Variants in KLHL32 observed in about 807,000 individuals in gnomAD.
KLHL32 encodes kelch like family member 32.
In KLHL32, 35 loss-of-function variants were observed where a neutral mutation model predicts 64.8. That is an observed-to-expected ratio of 0.54 (90% CI 0.41 to 0.72). KLHL32 has a LOEUF of 0.72. KLHL32 is among the 30% of genes least tolerant of loss of function. The pLI is 0.00. For synonymous variants in KLHL32, 259 were observed against 281.0 expected (o/e 0.92, Z 0.78); for missense variants, 589 against 768.5 (o/e 0.77, Z 2.76).
At chr6:97,048,732 A>C (rs1376183795) in intron 4 of KLHL32, among the ~76,000 whole-genome samples, 1 of 152,234 alleles carries the variant, frequency 6.6e-6, no homozygotes, top group Non-Finnish European at 1.5e-5. Context: ...GAGTGACAGG[A>C]ATCTTAATTG....
chr6:97,061,093 C>T (rs1788811942), intron 4 of KLHL32, among the ~76,000 whole-genome samples: 1 of 152,176 alleles, frequency 6.6e-6, no homozygotes, highest in African/African-American at 2.4e-5. Context: ...CATTCGAGAA[C>T]AGCCCCTTGT....
chr6:96,925,223 C>T lies in KLHL32; in HGVS notation c.-66+197C>T, dbSNP rs184929052. 4.0e-3 allele frequency among the ~76,000 whole-genome samples: 604 copies of T among 152,306 alleles called. 10 individuals are homozygous for T. Among genetic ancestry groups the T allele is most frequent in the African/African-American group, 0.014 (583 of 41,558 alleles). On this transcript the variant is annotated intron_variant, in intron 1 of 10. Coordinates refer to ENST00000369261, the MANE Select transcript of KLHL32 (RefSeq NM_052904.4). ...GCTGCCAGCCCTGGAGTCGCTCCCCCTTTCTTCCCTCCCCCTGAGCCCAAT... is the reference window on the plus strand; with the variant it reads ...GCTGCCAGCCCTGGAGTCGCTCCCCTTTTCTTCCCTCCCCCTGAGCCCAAT...
At position 97,139,985 on chromosome 6, in the gene KLHL32, A is replaced by ACTT. The variant is rs1374084813; in HGVS notation, c.*704_*706dup. The ACTT allele has an allele frequency of 6.6e-6, 1 of 152,172 alleles. No homozygotes were observed. Among genetic ancestry groups the ACTT allele is most frequent in the Non-Finnish European group, 1.5e-5 (1 of 68,012 alleles). 9.4% of individuals were successfully genotyped at this position (152,172 alleles called of 1,614,324 possible). On this transcript the variant is annotated 3_prime_UTR_variant, in exon 11 of 11. Coordinates refer to ENST00000369261, the MANE Select transcript of KLHL32 (RefSeq NM_052904.4). ...AGAACATTATGAGGATTAGGCGAACACTTTGTAATACTTTGCCCAAGAAAA... is the reference window on the plus strand; with the variant it reads ...AGAACATTATGAGGATTAGGCGAACACTTCTTTGTAATACTTTGCCCAAGAAAA...
chr6:96,970,131 C>T (rs1475624691), intron 2 of KLHL32, among the ~76,000 whole-genome samples: 2 of 152,174 alleles, frequency 1.3e-5, no homozygotes, highest in Non-Finnish European at 2.9e-5. Context: ...TCTGAGTGCT[C>T]CTTGGGCTCC....
intron 3 of KLHL32, among the ~76,000 whole-genome samples, chr6:96,990,371 G>A (rs1473798318): frequency 6.6e-6 from 1 of 152,126 alleles, no homozygotes; most frequent in Non-Finnish European, 1.5e-5. Context: ...AGTATTTTTG[G>A]TGTTGAAGTT....
intron 4 of KLHL32, among the ~76,000 whole-genome samples, chr6:97,044,932 A>C (rs1410126770): frequency 6.7e-6 from 1 of 149,986 alleles, no homozygotes; most frequent in East Asian, 2.0e-4. Context: ...AGTTTTGTTG[A>C]TTTTATCTTT....
intron 1 of KLHL32, among the ~76,000 whole-genome samples, chr6:96,931,070 T>C (rs1582372983): frequency 6.6e-6 from 1 of 152,166 alleles, no homozygotes; most frequent in East Asian, 1.9e-4. Context: ...TGCTGAATTA[T>C]GTAAATTTTA....
At chr6:97,043,504 G>A (rs1785443675) in intron 4 of KLHL32, among the ~76,000 whole-genome samples, 2 of 152,084 alleles carry the variant, frequency 1.3e-5, no homozygotes, top group African/African-American at 2.4e-5. Context: ...TAGTTACTGC[G>A]AATAATGCTG....
chr6:96,917,666 G>T, the KLHL32 span, among the ~76,000 whole-genome samples: 1 of 152,138 alleles, frequency 6.6e-6, no homozygotes, highest in African/African-American at 2.4e-5. Context: ...GGCATGTTTG[G>T]GTTTGTCAGG....
intron 3 of KLHL32, among the ~76,000 whole-genome samples, chr6:97,011,695 T>C (rs1281153847): frequency 6.6e-6 from 1 of 152,200 alleles, no homozygotes; most frequent in Non-Finnish European, 1.5e-5. Flanking sequence ...TACAAACTTA[T>C]CTCCTGCTTA....
intron 4 of KLHL32, among the ~76,000 whole-genome samples, chr6:97,060,886 C>T (rs150315750): frequency 1.1e-4 from 17 of 152,176 alleles, no homozygotes; most frequent in Middle Eastern, 3.4e-3. Context: ...GGTTCTTATC[C>T]CCACCAAAAT....
chr6:97,107,344 C>T (rs1260904814), intron 6 of KLHL32, among the ~76,000 whole-genome samples: 1 of 151,690 alleles, frequency 6.6e-6, no homozygotes, highest in African/African-American at 2.4e-5. Flanking sequence ...TGGATTTTCC[C>T]TTGAAATAAT....
chr6:96,912,453 T>A, the KLHL32 span, among the ~76,000 whole-genome samples: 1 of 152,294 alleles, frequency 6.6e-6, no homozygotes, highest in East Asian at 1.9e-4. Context: ...CCATTGTGAT[T>A]TTTCCTGTGT....
At chr6:97,036,130 C>A (rs1036690132) in intron 3 of KLHL32, among the ~76,000 whole-genome samples, 2 of 151,944 alleles carry the variant, frequency 1.3e-5, no homozygotes, top group Non-Finnish European at 2.9e-5. Context: ...AGTTCTCTGT[C>A]GCATTTTTTT....
intron 6 of KLHL32, among the ~76,000 whole-genome samples, chr6:97,098,285 C>T (rs1795257569): frequency 6.6e-6 from 1 of 152,106 alleles, no homozygotes; most frequent in Non-Finnish European, 1.5e-5. Flanking sequence ...ATTTCTGTCT[C>T]CAAGCTATGC....
intron 4 of KLHL32, among the ~76,000 whole-genome samples, chr6:97,064,350 C>T (rs2294762): frequency 6.6e-6 from 1 of 152,116 alleles, no homozygotes; most frequent in Non-Finnish European, 1.5e-5. Context: ...AATGTTTATA[C>T]CCTTCTACAA....
intron 1 of KLHL32, among the ~76,000 whole-genome samples, chr6:96,964,078 G>A (rs965421021): frequency 2.6e-5 from 4 of 152,220 alleles, no homozygotes; most frequent in African/African-American, 9.6e-5. Context: ...CCTAAATGCT[G>A]GCTACCTGGA....
intron 3 of KLHL32, among the ~76,000 whole-genome samples, chr6:96,981,193 C>G (rs1776264712): frequency 6.6e-6 from 1 of 152,230 alleles, no homozygotes; most frequent in South Asian, 2.1e-4. Context: ...GGGGATAAAG[C>G]CAAACCATAT....
intron 5 of KLHL32, among the ~76,000 whole-genome samples, chr6:97,078,385 G>A (rs757352411): frequency 1.1e-4 from 17 of 152,254 alleles, no homozygotes; most frequent in Middle Eastern, 6.8e-3. Context: ...GTGACATTTC[G>A]AAGGAGAGTT....
Sources: allele counts gnomAD v4.1 joint callset (sites outside exome capture counted in the v4.1 genomes callset), GRCh38; gene constraint gnomAD v4.1.1; transcripts MANE v1.5; gene names NCBI Gene and HGNC (gene_info 2026-07-23, HGNC 2026-07-21).